RGS6: variants seen among roughly 807,000 people sequenced by gnomAD.
RGS6 encodes regulator of G protein signaling 6, also known as regulator of G-protein signaling 6.
In RGS6, 30 loss-of-function variants were observed where a neutral mutation model predicts 78.5. The ratio of observed to expected loss-of-function variants is 0.38; its 90% CI spans 0.29 to 0.52. RGS6 has a LOEUF of 0.52. Ranked by LOEUF, RGS6 falls within the 20% of genes least tolerant of loss-of-function variation. The probability of loss-of-function intolerance (pLI) is 0.85; values close to 1 mark genes in which losing one functional copy is unlikely to be tolerated. For missense variants in RGS6, 495 were observed against 609.7 expected (o/e 0.81, Z 1.98); for synonymous variants, 206 against 206.0 (o/e 1.00, Z 0.00).
At chr14:72,323,743 A>G (rs2072805408) in intron 2 of RGS6, among the ~76,000 whole-genome samples, 1 of 128,622 alleles carries the variant, frequency 7.8e-6, no homozygotes, top group Non-Finnish European at 1.6e-5. Flanking sequence ...CGGAGGTTGC[A>G]GTGAGCCCAG....
At chr14:72,133,653 T>G (rs1240521467) in intron 2 of RGS6, among the ~76,000 whole-genome samples, 1 of 152,092 alleles carries the variant, frequency 6.6e-6, no homozygotes, top group Non-Finnish European at 1.5e-5. Context: ...AGATACTATG[T>G]CAGAGAATCC....
chr14:72,340,220 T>C (rs561525091), intron 2 of RGS6, among the ~76,000 whole-genome samples: 4 of 152,162 alleles, frequency 2.6e-5, no homozygotes, highest in Non-Finnish European at 5.9e-5. Flanking sequence ...TTTATCTCAG[T>C]ATCCCTCCCC....
chr14:72,486,529 C>G (rs2096491123), intron 12 of RGS6, among the ~76,000 whole-genome samples: 2 of 152,084 alleles, frequency 1.3e-5, no homozygotes, highest in African/African-American at 4.8e-5. Context: ...TACTCACCAT[C>G]CAGAATCCCT....
chr14:72,562,695 G>T lies in RGS6; in HGVS notation c.*228G>T, dbSNP rs2097690876. The T allele has an allele frequency of 2.0e-6, 3 of 1,536,164 alleles. No homozygotes were observed. Among genetic ancestry groups the T allele is most frequent in the Non-Finnish European group, 2.6e-6 (3 of 1,146,922 alleles). ...GGCCCGGTGGAGGCTCCTGTTTACA[G>T]CCCTCTCTTCTTTGTACAGTTGTAT... is the stretch of plus-strand genomic sequence containing the variant. On this transcript the variant is annotated 3_prime_UTR_variant, in exon 18 of 18. Transcript: ENST00000553525.
chr14:72,296,328 A>G (rs2064816094), intron 2 of RGS6, among the ~76,000 whole-genome samples: 1 of 152,202 alleles, frequency 6.6e-6, no homozygotes, highest in South Asian at 2.1e-4. Flanking sequence ...TTGTGGACAT[A>G]TATTCTCATT....
At chr14:72,205,860 A>G (rs1191708178) in intron 2 of RGS6, among the ~76,000 whole-genome samples, 3 of 152,202 alleles carry the variant, frequency 2.0e-5, no homozygotes, top group Admixed American at 6.5e-5. Context: ...ATCTGTACTA[A>G]TCTCATCAGG....
chr14:72,203,712 T>C (rs2042090684), intron 2 of RGS6, among the ~76,000 whole-genome samples: 1 of 152,206 alleles, frequency 6.6e-6, no homozygotes, highest in Non-Finnish European at 1.5e-5. Context: ...AGATGGAAGC[T>C]ACAGTGTTTT....
In RGS6 at chr14:72,292,072, C is replaced by T. The variant is rs186215623; in HGVS notation, c.85-60023C>T. ...TGAACACAGTAACACGGTAGGGAGC[C>T]GTGTGATCCAGACTGTCCTAAGCAG... On this transcript the variant is annotated intron_variant, in intron 2 of 17. Coordinates refer to ENST00000553525, the MANE Select transcript of RGS6 (RefSeq NM_001204424.2). Among the ~76,000 whole-genome samples the T allele has an allele frequency of 2.9e-3, 438 of 151,690 alleles. 1 individual carries two copies. The highest frequency in any genetic ancestry group is 4.8e-3 in the Non-Finnish European group (328 of 67,950).
intron 2 of RGS6, among the ~76,000 whole-genome samples, chr14:72,188,990 T>C (rs1005243653): frequency 6.6e-6 from 1 of 152,200 alleles, no homozygotes; most frequent in East Asian, 1.9e-4. Context: ...CTCGAGGGAT[T>C]ACAAAAGAAG....
chr14:72,337,138 C>G (rs1448061337), intron 2 of RGS6, among the ~76,000 whole-genome samples: 1 of 152,056 alleles, frequency 6.6e-6, no homozygotes, highest in Non-Finnish European at 1.5e-5. Flanking sequence ...TCAGGCAAAG[C>G]TCCTGGAAGC....
intron 3 of RGS6, among the ~76,000 whole-genome samples, chr14:72,415,724 C>T (rs534903934): frequency 4.9e-4 from 75 of 152,250 alleles, no homozygotes; most frequent in Non-Finnish European, 9.4e-4. Flanking sequence ...ATATGCACAA[C>T]ATTGGCCATT....
chr14:71,895,827 G>A, the RGS6 span, among the ~76,000 whole-genome samples: 1 of 152,132 alleles, frequency 6.6e-6, no homozygotes, highest in Non-Finnish European at 1.5e-5. Context: ...CATGGCAGGC[G>A]CTCCCTGCCA....
rs755326255 is a variant in RGS6 at position 72,562,794 on chromosome 14, C to T, written c.*327C>T. ...AGAACACGTCGTGGGGTTCCTGTCA[C>T]GACTATCACTTGAGATTATATTATT... On this transcript the variant is annotated 3_prime_UTR_variant, in exon 18 of 18. Coordinates refer to ENST00000553525, the MANE Select transcript of RGS6 (RefSeq NM_001204424.2). 1.3e-4 allele frequency: 195 copies of T among 1,473,946 alleles called. 2 individuals carry two copies. The South Asian group carries it at 1.6e-3, about 12-fold the overall frequency. The allele number at this position is 1,473,946 out of a possible 1,614,324, so 91.3% of individuals were successfully genotyped here.
chr14:72,502,574 G>A (rs1284371699), intron 13 of RGS6, among the ~76,000 whole-genome samples: 7 of 152,168 alleles, frequency 4.6e-5, no homozygotes. Flanking sequence ...GACCAGCCTG[G>A]CCAACATGGT....
the RGS6 span, among the ~76,000 whole-genome samples, chr14:72,596,763 T>C: frequency 6.6e-6 from 1 of 152,190 alleles, no homozygotes; most frequent in Admixed American, 6.5e-5. Flanking sequence ...CATCTTCAGC[T>C]TCATGAGAGT....
At chr14:72,232,233 A>C (rs751097990) in intron 2 of RGS6, among the ~76,000 whole-genome samples, 1 of 152,176 alleles carries the variant, frequency 6.6e-6, no homozygotes, top group Non-Finnish European at 1.5e-5. Flanking sequence ...TGCTGTGTTG[A>C]CATGGAACTT....
At chr14:72,160,936 A>G (rs1423306804) in intron 2 of RGS6, among the ~76,000 whole-genome samples, 2 of 152,244 alleles carry the variant, frequency 1.3e-5, no homozygotes, top group Non-Finnish European at 2.9e-5. Context: ...TTAAGATTAC[A>G]AAAATGCATG....
chr14:72,009,190 G>A (rs2085182512), intron 2 of RGS6, among the ~76,000 whole-genome samples: 1 of 152,108 alleles, frequency 6.6e-6, no homozygotes, highest in Non-Finnish European at 1.5e-5. Flanking sequence ...TGCCATTTCT[G>A]AAAACAGAAA....
intron 2 of RGS6, among the ~76,000 whole-genome samples, chr14:72,257,043 A>T (rs1334512141): frequency 6.6e-6 from 1 of 152,214 alleles, no homozygotes; most frequent in African/African-American, 2.4e-5. Context: ...TTTCTACTTC[A>T]GTGAGACTTT....
Sources: allele counts gnomAD v4.1 joint callset (sites outside exome capture counted in the v4.1 genomes callset), GRCh38; gene constraint gnomAD v4.1.1; transcripts MANE v1.5; gene names NCBI Gene and HGNC (gene_info 2026-07-23, HGNC 2026-07-21).